Variants in DAB1 observed in about 807,000 individuals in gnomAD.
The protein encoded by DAB1 is DAB adaptor protein 1, also known as disabled homolog 1.
Under a neutral mutation model 64.6 loss-of-function variants are expected in DAB1, and 15 were observed. The ratio of observed to expected loss-of-function variants is 0.23; its 90% CI spans 0.16 to 0.36. DAB1 has a LOEUF of 0.36. Among genes scored for constraint, DAB1 ranks in the 10% least tolerant of loss-of-function variants. The probability of loss-of-function intolerance (pLI) is 1.00; values close to 1 mark genes in which losing one functional copy is unlikely to be tolerated. For missense variants in DAB1, 596 were observed against 706.7 expected, an observed-to-expected ratio of 0.84 and a Z score of 1.78; for synonymous variants, 235 against 251.9, an observed-to-expected ratio of 0.93 and a Z score of 0.64.
At chr1:57,686,485 C>T (rs184400771) in intron 6 of DAB1, among the ~76,000 whole-genome samples, 16 of 152,210 alleles carry the variant, frequency 1.1e-4, no homozygotes, top group Admixed American at 5.2e-4. Context: ...AAAGAACAAC[C>T]GGTGCCAATC....
At chr1:57,034,342 A>G (rs1350956839) in intron 9 of DAB1, among the ~76,000 whole-genome samples, 1 of 150,762 alleles carries the variant, frequency 6.6e-6, no homozygotes, top group Non-Finnish European at 1.5e-5. Context: ...CAAATTCTTC[A>G]AACCCATCCC....
chr1:57,998,075 G>A (rs1384754180), intron 5 of DAB1, among the ~76,000 whole-genome samples: 2 of 152,142 alleles, frequency 1.3e-5, no homozygotes, highest in Non-Finnish European at 2.9e-5. Flanking sequence ...GAAAGCTCTT[G>A]TCTGTTTTGA....
Position 57,569,141 on chromosome 1 carries a change from C to T in DAB1, n.625+80451G>A, listed in dbSNP as rs199641089. Reference sequence around the variant, plus strand: ...GGCGAGATGGCGGGCGCCTGTAGTCCCAGCTACTCGGGAGGCTGAGGCAGG... The same window carrying T: ...GGCGAGATGGCGGGCGCCTGTAGTCTCAGCTACTCGGGAGGCTGAGGCAGG... On this transcript the variant is annotated intron_variant and non_coding_transcript_variant, in intron 7 of 20. Coordinates refer to the DAB1 transcript ENST00000485760. Among the ~76,000 whole-genome samples the T allele has an allele frequency of 1.4e-3, 214 of 148,548 alleles. 4 individuals carry two copies. In the East Asian group the frequency reaches 0.042, roughly 29 times the overall value.
intron 2 of DAB1, among the ~76,000 whole-genome samples, chr1:57,187,615 C>T (rs917073123): frequency 5.9e-5 from 9 of 152,154 alleles, no homozygotes; most frequent in South Asian, 2.1e-4. Flanking sequence ...TGTTCTTTGA[C>T]GTTTCCAAGG....
chr1:57,943,790 C>T lies in DAB1; in HGVS notation n.388-59628G>A, dbSNP rs529314425. 9.2e-5 allele frequency among the ~76,000 whole-genome samples: 14 copies of T among 152,188 alleles called. No homozygotes were observed. The South Asian group carries it at 1.5e-3, about 16-fold the overall frequency. On this transcript the variant is annotated intron_variant and non_coding_transcript_variant, in intron 5 of 20. Coordinates refer to the DAB1 transcript ENST00000485760. ...AATCACCCTCTACCATACTCATACCCGAGATTTATGGTAACAAGAAAGCCA... is the reference window on the plus strand; with the variant it reads ...AATCACCCTCTACCATACTCATACCTGAGATTTATGGTAACAAGAAAGCCA...
chr1:58,251,010 C>G (rs1570541682), intron 4 of DAB1, among the ~76,000 whole-genome samples: 1 of 152,148 alleles, frequency 6.6e-6, no homozygotes, highest in East Asian at 1.9e-4. Context: ...GCAGGCAGAC[C>G]AGGGTTTCAG....
chr1:57,647,034 G>A lies in DAB1; in HGVS notation n.625+2558C>T, dbSNP rs149530556. Reference sequence around the variant, plus strand: ...ATTGAGCTCCTTGTGGGGAGGGATCGTATCCTTCTCTTTTTGACATTTACA... The same window carrying A: ...ATTGAGCTCCTTGTGGGGAGGGATCATATCCTTCTCTTTTTGACATTTACA... On this transcript the variant is annotated intron_variant and non_coding_transcript_variant, in intron 7 of 20. Coordinates refer to the DAB1 transcript ENST00000485760. 1.1e-3 allele frequency among the ~76,000 whole-genome samples: 173 copies of A among 152,186 alleles called. 1 individual carries two copies. The highest frequency in any genetic ancestry group is 3.6e-3 in the African/African-American group (148 of 41,528).
chr1:58,313,851 G>GTGTGTGTGTGTGTGTT (rs1662486614), intron 4 of DAB1, among the ~76,000 whole-genome samples: 1 of 145,644 alleles, frequency 6.9e-6, no homozygotes, highest in Non-Finnish European at 1.5e-5. Flanking sequence ...GTGTGTGTGT[G>GTGTGTGTGTGTGTGTT]TGTGTGAGAG....
chr1:57,093,132 G>T (rs777958752), intron 4 of DAB1, among the ~76,000 whole-genome samples: 2 of 152,166 alleles, frequency 1.3e-5, no homozygotes, highest in Non-Finnish European at 1.5e-5. Context: ...GCTGGTCCTA[G>T]GTTCTGCAAA....
intron 9 of DAB1, among the ~76,000 whole-genome samples, chr1:57,053,368 C>A (rs1456048038): frequency 6.6e-6 from 1 of 152,002 alleles, no homozygotes; most frequent in Non-Finnish European, 1.5e-5. Context: ...CTGCCTCAGG[C>A]CCCCGAGTAG....
intron 3 of DAB1, among the ~76,000 whole-genome samples, chr1:58,495,085 A>G (rs1425902475): frequency 6.6e-6 from 1 of 152,226 alleles, no homozygotes; most frequent in Non-Finnish European, 1.5e-5. Flanking sequence ...AATACTATGC[A>G]GCCATAAAAA....
intron 4 of DAB1, among the ~76,000 whole-genome samples, chr1:58,339,667 A>T (rs1470686967): frequency 6.6e-6 from 1 of 152,268 alleles, no homozygotes; most frequent in East Asian, 1.9e-4. Context: ...AGCCAGCTTA[A>T]TCTTTCTCTT....
At chr1:57,296,489 G>A (rs751383647) in intron 1 of DAB1, among the ~76,000 whole-genome samples, 3 of 151,970 alleles carry the variant, frequency 2.0e-5, no homozygotes, top group Non-Finnish European at 2.9e-5. Flanking sequence ...CAGAGCTGGC[G>A]CATGGCAGGT....
chr1:57,731,903 T>C (rs188438795), intron 6 of DAB1, among the ~76,000 whole-genome samples: 42 of 152,198 alleles, frequency 2.8e-4, no homozygotes, highest in African/African-American at 9.6e-4. Context: ...CCGAAACATA[T>C]GTGTTTGAGA....
At chr1:57,879,306 T>G (rs1644104834) in intron 1 of DAB1, among the ~76,000 whole-genome samples, 1 of 152,166 alleles carries the variant, frequency 6.6e-6, no homozygotes, top group East Asian at 1.9e-4. Flanking sequence ...CTCCCAAGTA[T>G]GATCTTCCTC....
intron 1 of DAB1, among the ~76,000 whole-genome samples, chr1:57,413,568 C>T (rs1684270709): frequency 6.6e-6 from 1 of 151,636 alleles, no homozygotes; most frequent in Admixed American, 6.6e-5. Flanking sequence ...AGTGAAACCC[C>T]ATCTCTACTA....
At chr1:57,666,961 G>A (rs1047485748) in intron 6 of DAB1, among the ~76,000 whole-genome samples, 2 of 152,058 alleles carry the variant, frequency 1.3e-5, no homozygotes, top group East Asian at 1.9e-4. Context: ...GCTAGAAAAC[G>A]CCTACCTTGA....
At chr1:58,524,837 T>C (rs1646325266) in intron 2 of DAB1, among the ~76,000 whole-genome samples, 1 of 152,132 alleles carries the variant, frequency 6.6e-6, no homozygotes, top group South Asian at 2.1e-4. Context: ...CAATGAAAAA[T>C]ATGCAAGAAC....
At chr1:57,948,034 GCCCCTT>G (rs1645209487) in intron 5 of DAB1, among the ~76,000 whole-genome samples, 1 of 152,120 alleles carries the variant, frequency 6.6e-6, no homozygotes, top group Non-Finnish European at 1.5e-5. Flanking sequence ...GCTTATGCTA[GCCCCTT>G]GACCTGGGGT....
Sources: allele counts gnomAD v4.1 joint callset (sites outside exome capture counted in the v4.1 genomes callset), GRCh38; gene constraint gnomAD v4.1.1; transcripts MANE v1.5; gene names NCBI Gene and HGNC (gene_info 2026-07-23, HGNC 2026-07-21).